ARL13B: variants seen among roughly 807,000 people sequenced by gnomAD.
ARL13B encodes ARF like GTPase 13B.
ARL13B carries 36 observed loss-of-function variants against 56.1 expected under a neutral mutation model. That is an observed-to-expected ratio of 0.64 (90% CI 0.49 to 0.85). The LOEUF (loss-of-function observed/expected upper bound fraction) is 0.85. ARL13B is among the 40% of genes least tolerant of loss of function. The pLI is 0.00. For missense variants in ARL13B, 519 were observed against 507.1 expected, an observed-to-expected ratio of 1.02 and a Z score of -0.23; for synonymous variants, 178 against 171.1, an observed-to-expected ratio of 1.04 and a Z score of -0.32.
At chr3:94,019,018 G>A (rs919871485) in intron 3 of ARL13B, among the ~76,000 whole-genome samples, 2 of 152,064 alleles carry the variant, frequency 1.3e-5, no homozygotes, top group East Asian at 1.9e-4. Flanking sequence ...CGCCCTCTTC[G>A]GCCTCCCAAA....
At chr3:94,000,763 T>G (rs1202779417) in intron 2 of ARL13B, among the ~76,000 whole-genome samples, 1 of 152,024 alleles carries the variant, frequency 6.6e-6, no homozygotes, top group African/African-American at 2.4e-5. Flanking sequence ...GCTCAAAAAT[T>G]TATTGATTGT....
At chr3:93,991,610 A>G (rs2075876077) in intron 1 of ARL13B, among the ~76,000 whole-genome samples, 1 of 152,138 alleles carries the variant, frequency 6.6e-6, no homozygotes. Context: ...GGCTTAAGTG[A>G]TCCTCCTGCT....
At chr3:93,994,510 CT>C in intron 1 of ARL13B, among the ~76,000 whole-genome samples, 1 of 150,656 alleles carries the variant, frequency 6.6e-6, no homozygotes, top group East Asian at 2.0e-4. Flanking sequence ...TTATTAGTGT[CT>C]GTCTTTTGTC....
chr3:94,012,004 T>C (rs1452799984), intron 3 of ARL13B, among the ~76,000 whole-genome samples: 2 of 152,198 alleles, frequency 1.3e-5, no homozygotes, highest in Non-Finnish European at 2.9e-5. Flanking sequence ...TTACCTAAAG[T>C]TGACTGTTTC....
At position 94,043,242 on chromosome 3, in the gene ARL13B, TAATA is replaced by T. The variant is rs758743297; in HGVS notation, c.1024+6_1024+9del. On this transcript the variant is annotated splice_donor_5th_base_variant and intron_variant, in intron 7 of 9. Coordinates refer to ENST00000394222, the MANE Select transcript of ARL13B (RefSeq NM_001174150.2). Reference sequence around the variant, plus strand: ...CAGACCGGCCATCATTGGAATCAGGTAATAAATCTAGTTATTTAAAGTAATTATC... The same window carrying T: ...CAGACCGGCCATCATTGGAATCAGGTAATCTAGTTATTTAAAGTAATTATC... The T allele has an allele frequency of 9.9e-6, 16 of 1,608,960 alleles. No homozygotes were observed. In the African/African-American group the frequency reaches 2.0e-4, roughly 20 times the overall value.
chr3:94,011,859 A>G (rs2076229901), intron 3 of ARL13B, among the ~76,000 whole-genome samples: 1 of 152,012 alleles, frequency 6.6e-6, no homozygotes, highest in Non-Finnish European at 1.5e-5. Context: ...TGGCTGCTGT[A>G]TTTCTTCATG....
chr3:94,045,350 G>T (rs1438649564), intron 7 of ARL13B, among the ~76,000 whole-genome samples: 5 of 150,376 alleles, frequency 3.3e-5, no homozygotes, highest in African/African-American at 1.2e-4. Flanking sequence ...AGAGACCTTT[G>T]TTCACGTGTT....
Position 94,053,312 on chromosome 3 carries a change from C to A in ARL13B, c.*49C>A. The A allele has an allele frequency of 2.0e-6, 3 of 1,498,322 alleles. No individual in the cohort carries two copies. Among genetic ancestry groups the A allele is most frequent in the Non-Finnish European group, 2.8e-6 (3 of 1,076,786 alleles). 92.8% of individuals were successfully genotyped at this position (1,498,322 alleles called of 1,614,324 possible). A position where few individuals can be genotyped will look rare whatever the true frequency, so the allele number is the denominator to read the frequency against. ...TTAATATCAGCAAGGTGAACTGGGA[C>A]ATTCTTCTTTCTCAGAAGAAGAAAC... On this transcript the variant is annotated 3_prime_UTR_variant, in exon 10 of 10. Coordinates refer to ENST00000394222, the MANE Select transcript of ARL13B (RefSeq NM_001174150.2).
intron 5 of ARL13B, 47 bp downstream of exon 5, chr3:94,036,801 CAT>C (rs765849584): frequency 3.2e-6 from 5 of 1,554,266 alleles, no homozygotes; most frequent in East Asian, 2.4e-5. Context: ...GGATCAAAAA[CAT>C]AACAATTTTA....
At chr3:93,999,298 G>A (rs541966298) in intron 2 of ARL13B, among the ~76,000 whole-genome samples, 7 of 151,844 alleles carry the variant, frequency 4.6e-5, no homozygotes, top group African/African-American at 7.3e-5. Context: ...CTGGAGTTCG[G>A]TGGCGTGATC....
Position 93,989,553 on chromosome 3 carries a change from T to TA in ARL13B, c.60-6319dup, listed in dbSNP as rs200705599. On this transcript the variant is annotated intron_variant, in intron 1 of 9. Coordinates refer to ENST00000394222, the MANE Select transcript of ARL13B (RefSeq NM_001174150.2). ...ATTTTAAGCAGAAAAATGCTATGGT[T>TA]AATTTTTTTTTTTTTTTTTAAACAG... 8.9e-3 allele frequency among the ~76,000 whole-genome samples: 1,272 copies of TA among 142,390 alleles called. 11 individuals carry two copies. The highest frequency in any genetic ancestry group is 0.025 in the African/African-American group (1,022 of 40,222). 93.4% of individuals were successfully genotyped at this position (142,390 alleles called of 152,430 possible). A position where few individuals can be genotyped will look rare whatever the true frequency, so the allele number is the denominator to read the frequency against.
At chr3:94,001,643 A>G (rs902803783) in intron 2 of ARL13B, among the ~76,000 whole-genome samples, 2 of 151,990 alleles carry the variant, frequency 1.3e-5, no homozygotes, top group African/African-American at 2.4e-5. Context: ...CCACTTCTCT[A>G]TATTACATTG....
intron 4 of ARL13B, among the ~76,000 whole-genome samples, chr3:94,036,090 A>G (rs779023766): frequency 6.6e-6 from 1 of 152,184 alleles, no homozygotes; most frequent in Non-Finnish European, 1.5e-5. Flanking sequence ...CAAAAAAAGA[A>G]AAGATAAATC....
At chr3:94,029,708 A>T (rs1304460447) in intron 3 of ARL13B, among the ~76,000 whole-genome samples, 1 of 152,170 alleles carries the variant, frequency 6.6e-6, no homozygotes, top group Non-Finnish European at 1.5e-5. Flanking sequence ...AAAATAAGAA[A>T]TGACTCCTTT....
In ARL13B at chr3:94,036,671, A is replaced by G. The variant is rs751588084; in HGVS notation, c.606A>G (p.Gln202=). Residue 202 remains glutamine (Q), a synonymous_variant, in exon 5 of 10, where the codon CAA becomes CAG. Transcript: ENST00000394222. The stretch of plus-strand genomic sequence containing the variant: ...TTGATGCCTTAAATGAACGCATCCA[A>G]AAAGAGACAACAGAGCAGCGTGCTC... The part of the protein sequence containing the change: ...RDFDALNERI[Q]KETTEQRALE... The G allele has an allele frequency of 6.2e-7, 1 of 1,614,144 alleles. No homozygotes were observed.
intron 4 of ARL13B, among the ~76,000 whole-genome samples, chr3:94,036,087 A>G (rs1331503682): frequency 1.3e-5 from 2 of 152,216 alleles, no homozygotes; most frequent in African/African-American, 2.4e-5. Context: ...AAACAAAAAA[A>G]GAAAAGATAA....
intron 3 of ARL13B, among the ~76,000 whole-genome samples, chr3:94,005,731 A>G (rs1257910750): frequency 6.6e-6 from 1 of 152,202 alleles, no homozygotes; most frequent in Non-Finnish European, 1.5e-5. Context: ...TTACAATCAG[A>G]ATTTTATTAT....
At chr3:93,996,202 C>T (rs569650268) in intron 2 of ARL13B, among the ~76,000 whole-genome samples, 1 of 152,250 alleles carries the variant, frequency 6.6e-6, no homozygotes, top group Admixed American at 6.5e-5. Flanking sequence ...GGAATAGTAT[C>T]TGTATTCTAG....
chr3:93,982,401 AG>A (rs1307008399), intron 1 of ARL13B, among the ~76,000 whole-genome samples: 2 of 152,250 alleles, frequency 1.3e-5, no homozygotes, highest in African/African-American at 4.8e-5. Flanking sequence ...AAATGTGGCT[AG>A]TCTGAATTAA....
Sources: gnomAD v4.1 joint callset for allele counts (sites outside exome capture counted in the v4.1 genomes callset) on GRCh38, gnomAD v4.1.1 for gene constraint, MANE v1.5 for transcripts, NCBI Gene and HGNC (gene_info 2026-07-23, HGNC 2026-07-21) for gene names.